SDK1: variants seen among roughly 807,000 people sequenced by gnomAD.
The protein encoded by SDK1 is sidekick cell adhesion molecule 1.
SDK1 carries 157 observed loss-of-function variants against 245.5 expected under a neutral mutation model. The observed-to-expected ratio is 0.64, with a 90% CI of 0.56 to 0.73. The LOEUF is 0.73. Ranked by LOEUF, SDK1 falls within the 30% of genes least tolerant of loss-of-function variation. The pLI, the probability that SDK1 is intolerant of heterozygous loss-of-function variation, is 0.00. For synonymous variants in SDK1, 1,647 were observed against 1,278.5 expected, an observed-to-expected ratio of 1.29 and a Z score of -6.15; for missense variants, 3,583 against 3,002.3, an observed-to-expected ratio of 1.19 and a Z score of -4.52.
intron 37 of SDK1, among the ~76,000 whole-genome samples, chr7:4,209,299 G>T (rs565238069): frequency 6.6e-6 from 1 of 152,138 alleles, no homozygotes; most frequent in African/African-American, 2.4e-5. Context: ...AGGAGGGTGG[G>T]TGCCACTTCA....
intron 2 of SDK1, among the ~76,000 whole-genome samples, chr7:3,622,795 A>G (rs1781984255): frequency 6.6e-6 from 1 of 152,186 alleles, no homozygotes; most frequent in Non-Finnish European, 1.5e-5. Flanking sequence ...GGAATGGGTG[A>G]TTCTGAAGCA....
At chr7:4,118,696 A>T (rs561598472) in intron 25 of SDK1, among the ~76,000 whole-genome samples, 1 of 149,946 alleles carries the variant, frequency 6.7e-6, no homozygotes, top group South Asian at 2.2e-4. Context: ...TCAGTTGACA[A>T]ATGGATAAAT....
intron 30 of SDK1, among the ~76,000 whole-genome samples, chr7:4,155,335 C>A (rs1279144392): frequency 1.3e-5 from 2 of 152,186 alleles, no homozygotes; most frequent in Non-Finnish European, 2.9e-5. Flanking sequence ...GCTAAGAACC[C>A]TGCTCTCTGT....
intron 5 of SDK1, among the ~76,000 whole-genome samples, chr7:3,832,426 A>G (rs1310095723): frequency 6.6e-6 from 1 of 152,160 alleles, no homozygotes; most frequent in Non-Finnish European, 1.5e-5. Context: ...ATTACTGTTC[A>G]TTGTAAACGA....
chr7:3,547,104 G>A (rs1284085024), intron 1 of SDK1, among the ~76,000 whole-genome samples: 2 of 152,060 alleles, frequency 1.3e-5, no homozygotes, highest in Non-Finnish European at 2.9e-5. Flanking sequence ...TCTACACTTA[G>A]AGTTTTAGAT....
chr7:3,331,575 C>T (rs1173530329), intron 1 of SDK1, among the ~76,000 whole-genome samples: 1 of 152,134 alleles, frequency 6.6e-6, no homozygotes, highest in Non-Finnish European at 1.5e-5. Flanking sequence ...GTCCTCTTTT[C>T]ACTTTCTTGA....
At chr7:3,592,697 G>C (rs1780917511) in intron 1 of SDK1, among the ~76,000 whole-genome samples, 1 of 152,114 alleles carries the variant, frequency 6.6e-6, no homozygotes, top group Admixed American at 6.6e-5. Flanking sequence ...TGAAGCGTGG[G>C]GACTCGCGCT....
At chr7:3,482,942 AATG>A (rs1296930277) in intron 1 of SDK1, among the ~76,000 whole-genome samples, 1 of 151,478 alleles carries the variant, frequency 6.6e-6, no homozygotes, top group African/African-American at 2.5e-5. Context: ...TGGTGACAAC[AATG>A]ATGATTTCAA....
At chr7:4,077,286 G>A in intron 21 of SDK1, 97 bp downstream of exon 21, 1 of 1,233,384 alleles carries the variant, frequency 8.1e-7, no homozygotes, top group Non-Finnish European at 1.1e-6. Context: ...AAGCCACTGA[G>A]TGCCTTGAAA....
At chr7:4,034,105 G>A (rs2128159659) in intron 17 of SDK1, among the ~76,000 whole-genome samples, 1 of 152,282 alleles carries the variant, frequency 6.6e-6, no homozygotes, top group East Asian at 1.9e-4. Context: ...TGCTATTCGT[G>A]CCTACGATGC....
intron 4 of SDK1, among the ~76,000 whole-genome samples, chr7:3,709,427 C>T (rs1784975771): frequency 6.6e-6 from 1 of 152,200 alleles, no homozygotes; most frequent in African/African-American, 2.4e-5. Context: ...TCAGGTTCAG[C>T]ACTAGGTAGG....
At chr7:4,092,691 CAT>C (rs2128184154) in intron 22 of SDK1, among the ~76,000 whole-genome samples, 1 of 152,272 alleles carries the variant, frequency 6.6e-6, no homozygotes, top group Admixed American at 6.5e-5. Context: ...TCATTAATCA[CAT>C]AGAAGCCAGG....
At chr7:3,514,136 G>A (rs1383212071) in intron 1 of SDK1, among the ~76,000 whole-genome samples, 1 of 152,134 alleles carries the variant, frequency 6.6e-6, no homozygotes. Flanking sequence ...CAGGTTATCA[G>A]TGTTTCAGAG....
chr7:3,909,717 C>G (rs940523617), intron 5 of SDK1, among the ~76,000 whole-genome samples: 6 of 152,176 alleles, frequency 3.9e-5, no homozygotes, highest in African/African-American at 1.2e-4. Flanking sequence ...TTTTAATTTA[C>G]TACAAAGAAG....
At chr7:3,482,061 A>C (rs1442327242) in intron 1 of SDK1, among the ~76,000 whole-genome samples, 1 of 152,248 alleles carries the variant, frequency 6.6e-6, no homozygotes, top group African/African-American at 2.4e-5. Context: ...AAAAAAGGCA[A>C]GCCATGCAAA....
chr7:3,734,655 G>A (rs937969488), intron 4 of SDK1, among the ~76,000 whole-genome samples: 3 of 152,110 alleles, frequency 2.0e-5, no homozygotes, highest in African/African-American at 4.8e-5. Context: ...ATTAAACCCC[G>A]GTTCTTTTCC....
intron 35 of SDK1, among the ~76,000 whole-genome samples, chr7:4,198,826 T>C (rs914929952): frequency 7.1e-6 from 1 of 141,022 alleles, no homozygotes; most frequent in Non-Finnish European, 1.5e-5. Context: ...TTTTTTTTTT[T>C]CCTTTGAGAC....
chr7:3,691,996 C>G (rs1425129038), intron 4 of SDK1, among the ~76,000 whole-genome samples: 1 of 152,090 alleles, frequency 6.6e-6, no homozygotes. Context: ...TTTTTGCTTA[C>G]TCATTCATGA....
intron 4 of SDK1, among the ~76,000 whole-genome samples, chr7:3,658,421 C>G (rs992746045): frequency 1.3e-5 from 2 of 151,874 alleles, no homozygotes; most frequent in Non-Finnish European, 2.9e-5. Context: ...AGTCTGGCTT[C>G]TGAAGGGCTC....
Sources: gnomAD v4.1 joint callset for allele counts (sites outside exome capture counted in the v4.1 genomes callset) on GRCh38, gnomAD v4.1.1 for gene constraint, MANE v1.5 for transcripts, NCBI Gene and HGNC (gene_info 2026-07-23, HGNC 2026-07-21) for gene names.